Variants in MGRN1 observed in about 807,000 individuals in gnomAD.
MGRN1 encodes the protein mahogunin ring finger 1.
A neutral mutation model predicts 69.2 loss-of-function variants in MGRN1; 29 were observed. That is an observed-to-expected ratio of 0.42 (90% CI 0.31 to 0.57). The LOEUF is 0.57. Among genes scored for constraint, MGRN1 ranks in the 20% least tolerant of loss-of-function variants. MGRN1 has a pLI of 0.15. For missense variants in MGRN1, 998 were observed against 796.2 expected, an observed-to-expected ratio of 1.25 and a Z score of -3.05; for synonymous variants, 470 against 344.2, an observed-to-expected ratio of 1.37 and a Z score of -4.04.
intron 1 of MGRN1, among the ~76,000 whole-genome samples, chr16:4,648,562 T>C: frequency 9.9e-6 from 1 of 101,470 alleles, no homozygotes; most frequent in Non-Finnish European, 1.9e-5. Context: ...TCCCGGGGGC[T>C]CTTCCCGTGG....
chr16:4,671,181 A>G (rs2078928944), intron 8 of MGRN1: 12 of 588,920 alleles, frequency 2.0e-5, no homozygotes, highest in Non-Finnish European at 3.3e-5. Context: ...GGGGAGAGCC[A>G]CCGGCTCCAG....
intron 1 of MGRN1, among the ~76,000 whole-genome samples, chr16:4,648,462 G>T (rs1469918786): frequency 9.0e-6 from 1 of 111,114 alleles, no homozygotes; most frequent in Non-Finnish European, 1.7e-5. Context: ...GACTCTTCCC[G>T]TGGTCACCTG....
At chr16:4,688,078 C>G (rs1330794024) in intron 16 of MGRN1, 4 of 985,406 alleles carry the variant, frequency 4.1e-6, no homozygotes, top group African/African-American at 1.7e-5. Context: ...CTCGCCGCGG[C>G]CCCCGAAGAA....
At position 4,690,292 on chromosome 16, in the gene MGRN1, TGGATCCACCCCTGCGGAGCCCTG is replaced by T. The variant is rs1410998019; in HGVS notation, c.*1387_*1409del. The T allele has an allele frequency of 7.2e-5, 11 of 152,128 alleles. No homozygotes were observed. The highest frequency in any genetic ancestry group is 2.4e-4 in the African/African-American group (10 of 41,410). 9.4% of individuals were successfully genotyped at this position (152,128 alleles called of 1,614,324 possible). ...GTGCCTGGGCCTGGTGACCCAGGGCTGGATCCACCCCTGCGGAGCCCTGGGCCAGGCAGGTGTCTGCTGCTCAC... is the reference window on the plus strand; with the variant it reads ...GTGCCTGGGCCTGGTGACCCAGGGCTGGCCAGGCAGGTGTCTGCTGCTCAC... On this transcript the variant is annotated 3_prime_UTR_variant, in exon 17 of 17. Coordinates refer to ENST00000262370, the MANE Select transcript of MGRN1 (RefSeq NM_015246.4).
intron 9 of MGRN1, among the ~76,000 whole-genome samples, chr16:4,671,944 T>C (rs1195327111): frequency 6.6e-6 from 1 of 152,232 alleles, no homozygotes; most frequent in African/African-American, 2.4e-5. Flanking sequence ...CTCACTCTGC[T>C]GCTCAGGCTG....
rs189803323 is a variant in MGRN1, at chr16:4,678,166, G to T, written c.1065+594G>T. ...CCACCCCGTGGTTCTTAGTGAATGA[G>T]CCATGCTGTTTCCCCCATGCGCTGC... On this transcript the variant is annotated intron_variant, in intron 11 of 16. Coordinates refer to ENST00000262370, the MANE Select transcript of MGRN1 (RefSeq NM_015246.4). Among the ~76,000 whole-genome samples the T allele has an allele frequency of 3.9e-3, 596 of 152,328 alleles. 2 individuals are homozygous for T. Among genetic ancestry groups the T allele is most frequent in the African/African-American group, 0.014 (566 of 41,568 alleles).
At chr16:4,641,194 T>G (rs758482223) in intron 1 of MGRN1, among the ~76,000 whole-genome samples, 7 of 152,192 alleles carry the variant, frequency 4.6e-5, no homozygotes, top group Non-Finnish European at 7.4e-5. Flanking sequence ...ACACCACATG[T>G]GTGTCATTCT....
In MGRN1 at chr16:4,689,001, G is replaced by C. The variant is rs1340581161; in HGVS notation, c.*93G>C. 2 of 1,435,462 alleles carry C rather than the reference G, an allele frequency of 1.4e-6. No individual in the cohort carries two copies. The highest frequency in any genetic ancestry group is 2.9e-5 in the African/African-American group (2 of 70,080). The allele number at this position is 1,435,462 out of a possible 1,614,324, so 88.9% of individuals were successfully genotyped here. ...CCCGTTGTGAGCCGGCCTCCTGTCT[G>C]CATGCCCCCTGTGGCCACCAGGCTC... is the stretch of plus-strand genomic sequence containing the variant. On this transcript the variant is annotated 3_prime_UTR_variant, in exon 17 of 17. Transcript: ENST00000262370.
chr16:4,633,871 C>A (rs542716673), intron 1 of MGRN1: 1 of 152,068 alleles, frequency 6.6e-6, no homozygotes, highest in East Asian at 2.0e-4. Context: ...GCGCCCGCCA[C>A]CGCGCCCGGC....
At chr16:4,656,256 G>A (rs1042340198) in intron 4 of MGRN1, among the ~76,000 whole-genome samples, 2 of 152,252 alleles carry the variant, frequency 1.3e-5, no homozygotes, top group Non-Finnish European at 2.9e-5. Context: ...CCTTGAAGCA[G>A]TGTTGGGAAA....
rs914899651 is a variant in MGRN1, at chr16:4,687,999, G to C, written c.1619-797G>C. The C allele has an allele frequency of 3.1e-5, 31 of 985,464 alleles. No individual in the cohort carries two copies. In the African/African-American group the frequency reaches 5.2e-4, roughly 17 times the overall value. The allele number at this position is 985,464 out of a possible 1,614,324, so 61.0% of individuals were successfully genotyped here. A position where few individuals can be genotyped will look rare whatever the true frequency, so the allele number is the denominator to read the frequency against. On this transcript the variant is annotated intron_variant, in intron 16 of 16. Coordinates refer to ENST00000262370, the MANE Select transcript of MGRN1 (RefSeq NM_015246.4). Reference sequence around the variant, plus strand: ...GGTGCCGTGCGAATGTCACGATTCAGGTCAAGCTTCCGGAGCTGGGGAGTG... The same window carrying C: ...GGTGCCGTGCGAATGTCACGATTCACGTCAAGCTTCCGGAGCTGGGGAGTG...
At chr16:4,686,944 C>T in intron 16 of MGRN1, 1 of 985,490 alleles carries the variant, frequency 1.0e-6, no homozygotes, top group Non-Finnish European at 1.2e-6. Context: ...CTCGAGGGGC[C>T]CTCTGGTGCC....
intron 7 of MGRN1, among the ~76,000 whole-genome samples, chr16:4,667,829 C>T (rs777400196): frequency 3.3e-5 from 5 of 152,112 alleles, no homozygotes; most frequent in South Asian, 2.1e-4. Context: ...TGCGTGCTCC[C>T]GCTCTGTCTT....
At chr16:4,626,626 A>C (rs368299760) in intron 1 of MGRN1, among the ~76,000 whole-genome samples, 4 of 152,242 alleles carry the variant, frequency 2.6e-5, no homozygotes, top group Non-Finnish European at 5.9e-5. Context: ...TGACACAGAT[A>C]TCAAAAAGTT....
intron 1 of MGRN1, among the ~76,000 whole-genome samples, chr16:4,644,033 G>T (rs1467417508): frequency 6.6e-6 from 1 of 151,526 alleles, no homozygotes; most frequent in Non-Finnish European, 1.5e-5. Context: ...AGTGGAGTGA[G>T]GTGGTGCAAT....
chr16:4,625,943 T>G (rs1291995420), intron 1 of MGRN1, among the ~76,000 whole-genome samples: 1 of 152,150 alleles, frequency 6.6e-6, no homozygotes, highest in Non-Finnish European at 1.5e-5. Flanking sequence ...GATGTCTCAG[T>G]CTCCTGGGTG....
intron 1 of MGRN1, among the ~76,000 whole-genome samples, chr16:4,641,850 C>T (rs1048387527): frequency 3.9e-5 from 6 of 152,134 alleles, no homozygotes; most frequent in East Asian, 3.9e-4. Flanking sequence ...GACAGGGTCT[C>T]GCCATGTCGC....
At chr16:4,649,906 G>C in intron 1 of MGRN1, 1 of 157,704 alleles carries the variant, frequency 6.3e-6, no homozygotes, top group Non-Finnish European at 1.4e-5. Context: ...AGGGGCACCC[G>C]CTGGCCTGTC....
chr16:4,678,007 C>T (rs946027444), intron 11 of MGRN1, among the ~76,000 whole-genome samples: 2 of 151,950 alleles, frequency 1.3e-5, no homozygotes, highest in African/African-American at 2.4e-5. Context: ...ACCACCACGC[C>T]GAGCTAATGT....
Sources: allele counts gnomAD v4.1 joint callset (sites outside exome capture counted in the v4.1 genomes callset), GRCh38; gene constraint gnomAD v4.1.1; transcripts MANE v1.5; gene names NCBI Gene and HGNC (gene_info 2026-07-23, HGNC 2026-07-21).